ACTR1B: variants seen among roughly 807,000 people sequenced by gnomAD.
ACTR1B encodes the protein beta-centractin.
ACTR1B carries 34 observed loss-of-function variants against 49.4 expected under a neutral mutation model. The ratio of observed to expected loss-of-function variants is 0.69; its 90% confidence interval spans 0.52 to 0.92. The LOEUF is 0.92. Ranked by LOEUF, ACTR1B falls within the 40% of genes least tolerant of loss-of-function variation. The pLI is 0.00. For synonymous variants in ACTR1B, 207 were observed against 207.8 expected (o/e 1.00, Z 0.03); for missense variants, 471 against 522.4 (o/e 0.90, Z 0.96).
chr2:97,657,604 G>A, intron 8 of ACTR1B, 95 bp from the exon 9 acceptor site: 1 of 1,254,812 alleles, frequency 8.0e-7, no homozygotes, highest in South Asian at 1.2e-5. Context: ...GCTACTGCTG[G>A]TCCTCTATCA....
chr2:97,657,973 C>T lies in ACTR1B; in HGVS notation c.895G>A (p.Val299Met), dbSNP rs775404286. The T allele has an allele frequency of 1.2e-5, 19 of 1,614,042 alleles. No individual in the cohort carries two copies. Among genetic ancestry groups the T allele is most frequent in the Non-Finnish European group, 1.6e-5 (19 of 1,180,044 alleles). Residue 299 changes from valine to methionine, a missense_variant, in exon 8 of 11, where the codon GTG becomes ATG. Transcript: ENST00000289228. ...AAAAGCGTTGAGCCACCTGAGAGCA[C>T]GATGTTGGCGAACAGCGTCCGGCGC... ...DLRRTLFANI[V>M]LSGGSTLFKG...
At chr2:97,657,117 C>A (rs372084058) in intron 10 of ACTR1B, 35 bp downstream of exon 10, 2 of 1,606,500 alleles carry the variant, frequency 1.2e-6, no homozygotes, top group Non-Finnish European at 1.7e-6. Context: ...GTAAAGTGGT[C>A]TCCTCCCAGA....
In ACTR1B at chr2:97,658,986, C is replaced by A. The variant is rs142996046; in HGVS notation, c.333G>T (p.Thr111=). 5 of 1,614,090 alleles carry A rather than the reference C, an allele frequency of 3.1e-6. No homozygotes were observed. In the East Asian group the frequency reaches 8.9e-5, roughly 29 times the overall value. ...TCTTACTCGGGTTGAGCGGGGCCTC[C>A]GTGAGGAGCACAGGATGCTGCGAGG... The part of the protein sequence containing the change: ...TFSEEHPVLL[T]EAPLNPSKNR... The change falls in exon 5 of 11, where the codon ACG becomes ACT. Residue 111 remains threonine (T), a synonymous_variant. Transcript: ENST00000289228. The surrounding 1 kb of genome is among the most constrained non-coding windows in gnomAD (Gnocchi z 5.9).
rs548229760 is a variant in ACTR1B at position 97,655,950 on chromosome 2, A to T, written c.*908T>A. 5 of 152,370 alleles carry T rather than the reference A, an allele frequency of 3.3e-5. No individual in the cohort carries two copies. The highest frequency in any genetic ancestry group is 1.2e-4 in the African/African-American group (5 of 41,576). 9.4% of individuals were successfully genotyped at this position (152,370 alleles called of 1,614,324 possible). The stretch of plus-strand genomic sequence containing the variant: ...CGATAGCACAGAGAGCCACAAGAAA[A>T]CAGAGCCACACACTGGGCCTTGTCC... On this transcript the variant is annotated 3_prime_UTR_variant, in exon 11 of 11. Transcript: ENST00000289228.
At chr2:97,657,659 C>T (rs1674879554) in intron 8 of ACTR1B, 150 bp from the exon 9 acceptor site, 2 of 922,608 alleles carry the variant, frequency 2.2e-6, no homozygotes, top group South Asian at 1.5e-5. Flanking sequence ...AATGATCCAG[C>T]CCCATGGCTG....
chr2:97,656,754 T>C lies in ACTR1B; in HGVS notation c.*104A>G. 2.1e-6 allele frequency: 2 copies of C among 936,222 alleles called. No homozygotes were observed. The highest frequency in any genetic ancestry group is 3.3e-6 in the Non-Finnish European group (2 of 599,528). The allele number at this position is 936,222 out of a possible 1,614,324, so 58.0% of individuals were successfully genotyped here. On this transcript the variant is annotated 3_prime_UTR_variant, in exon 11 of 11. Coordinates refer to ENST00000289228, the MANE Select transcript of ACTR1B (RefSeq NM_005735.4). ...GCCACCCACCCAGGGGTTCAGGGCA[T>C]GCAGGGGACCCTAAGCCTAGTATAC...
At chr2:97,663,721 C>A (rs1675098215) in intron 1 of ACTR1B, 122 bp downstream of exon 1, 3 of 438,824 alleles carry the variant, frequency 6.8e-6, no homozygotes, top group Non-Finnish European at 9.9e-6. Context: ...AGCGGCCCGG[C>A]GGGGGCGACG....
rs1160986059 is a variant in ACTR1B, at chr2:97,660,694, G to C, written c.114-48C>G. 6 of 1,580,998 alleles carry C rather than the reference G, an allele frequency of 3.8e-6. No homozygotes were observed. The South Asian group carries it at 6.6e-5, about 17-fold the overall frequency. ...CAAGGTGGGCAGGGAGCATGGCAGAGCTTGTGTCCAGAAAAACCGAAATCC... is the reference window on the plus strand; with the variant it reads ...CAAGGTGGGCAGGGAGCATGGCAGACCTTGTGTCCAGAAAAACCGAAATCC... On this transcript the variant is annotated intron_variant, in intron 2 of 10. Coordinates refer to ENST00000289228, the MANE Select transcript of ACTR1B (RefSeq NM_005735.4).
In ACTR1B at chr2:97,659,608, T is replaced by C. The variant is rs1573182940; in HGVS notation, c.190-131A>G. On this transcript the variant is annotated intron_variant, in intron 3 of 10. Coordinates refer to ENST00000289228, the MANE Select transcript of ACTR1B (RefSeq NM_005735.4). This position sits in a 1 kb window ranked among gnomAD's most constrained non-coding sequence, Gnocchi z 4.0. ...CCTGACCAGAACCACCCCTGCTCACTGGGTGTCCCAGGGTCTGTGGCGGGT... is the reference window on the plus strand; with the variant it reads ...CCTGACCAGAACCACCCCTGCTCACCGGGTGTCCCAGGGTCTGTGGCGGGT... 30 of 1,319,284 alleles carry C rather than the reference T, an allele frequency of 2.3e-5. No individual in the cohort carries two copies. The South Asian group carries it at 3.6e-4, about 16-fold the overall frequency. The allele number at this position is 1,319,284 out of a possible 1,614,324, so 81.7% of individuals were successfully genotyped here.
rs1030294571 is a variant in ACTR1B at position 97,659,292 on chromosome 2, G to A, written c.315+60C>T. 9.3e-6 allele frequency: 15 copies of A among 1,608,390 alleles called. No individual in the cohort carries two copies. Among genetic ancestry groups the A allele is most frequent in the South Asian group, 5.5e-5 (5 of 90,892 alleles). ...ATGTGGGAGCCCGGCGAGGAGGGAC[G>A]CAGAGGAGAGGGGCATGGCCAGGAG... is the stretch of plus-strand genomic sequence containing the variant. On this transcript the variant is annotated intron_variant, in intron 4 of 10. Coordinates refer to ENST00000289228, the MANE Select transcript of ACTR1B (RefSeq NM_005735.4). The surrounding 1 kb of genome is among the most constrained non-coding windows in gnomAD (Gnocchi z 4.0).
At chr2:97,661,981 C>T (rs1185415179) in intron 1 of ACTR1B, 35 bp from the exon 2 acceptor site, 6 of 1,563,504 alleles carry the variant, frequency 3.8e-6, no homozygotes, top group South Asian at 1.2e-5. Flanking sequence ...TGCCCACATG[C>T]ACCACCAGAT....
At position 97,663,825 on chromosome 2, in the gene ACTR1B, CT is replaced by C; in HGVS notation, c.48+17del. The C allele has an allele frequency of 7.2e-7, 1 of 1,390,618 alleles. No homozygotes were observed. Among genetic ancestry groups the C allele is most frequent in the Non-Finnish European group, 9.5e-7 (1 of 1,055,830 alleles). The allele number at this position is 1,390,618 out of a possible 1,614,324, so 86.1% of individuals were successfully genotyped here. ...CGGGGGCGGGGCGCCCGCCCTCCCC[CT>C]GGCTGCCGGGCCTCACGTTGTCGAT... On this transcript the variant is annotated intron_variant, in intron 1 of 10. Coordinates refer to ENST00000289228, the MANE Select transcript of ACTR1B (RefSeq NM_005735.4).
chr2:97,662,404 CTTT>C (rs545069324), intron 1 of ACTR1B, among the ~76,000 whole-genome samples: 10 of 141,366 alleles, frequency 7.1e-5, no homozygotes, highest in Admixed American at 2.8e-4. Flanking sequence ...CTGTGTGGGT[CTTT>C]TTTTTTTTTT....
rs142909334 is a variant in ACTR1B at position 97,661,941 on chromosome 2, C to T, written c.54G>A (p.Ser18=). 2.8e-5 allele frequency: 45 copies of T among 1,590,536 alleles called. No individual in the cohort carries two copies. Among genetic ancestry groups the T allele is most frequent in the East Asian group, 1.3e-4 (6 of 44,496 alleles). ...ANQPVVIDNG[S]GVIKAGFAGD... Reference sequence around the variant, plus strand: ...CTGCAAAGCCAGCTTTAATCACCCCCGAACCCTGCAAGGAAAAACAAAGTT... The same window carrying T: ...CTGCAAAGCCAGCTTTAATCACCCCTGAACCCTGCAAGGAAAAACAAAGTT... Residue 18 remains serine, a synonymous_variant, in exon 2 of 11, where the codon TCG becomes TCA. Transcript: ENST00000289228.
chr2:97,662,052 G>T, intron 1 of ACTR1B, 106 bp from the exon 2 acceptor site: 1 of 1,129,808 alleles, frequency 8.9e-7, no homozygotes, highest in Non-Finnish European at 1.3e-6. Context: ...CAAGGAGGAA[G>T]CCAGGGACCC....
chr2:97,663,855 C>CACAG lies in ACTR1B; in HGVS notation c.32_35dup (p.Val13CysfsTer11). 1 of 1,435,588 alleles carries CACAG rather than the reference C, an allele frequency of 7.0e-7. No homozygotes were observed. The highest frequency in any genetic ancestry group is 9.2e-7 in the Non-Finnish European group (1 of 1,082,118). The allele number at this position is 1,435,588 out of a possible 1,614,324, so 88.9% of individuals were successfully genotyped here. ...TGCCGGGCCTCACGTTGTCGATGAC[C>CACAG]ACAGGCTGGTTGGCGATGATGTCGT... On this transcript the variant is annotated frameshift_variant, in exon 1 of 11. Coordinates refer to ENST00000289228, the MANE Select transcript of ACTR1B (RefSeq NM_005735.4). LOFTEE classifies it high-confidence loss of function.
intron 1 of ACTR1B, 129 bp downstream of exon 1, chr2:97,663,714 G>T: frequency 2.7e-6 from 1 of 372,158 alleles, no homozygotes; most frequent in South Asian, 1.1e-4. Flanking sequence ...CGAAGCCAGC[G>T]GCCCGGCGGG....
rs146862504 is a variant in ACTR1B, at chr2:97,658,939, A to G, written c.380T>C (p.Val127Ala). 2,072 of 1,613,898 alleles carry G rather than the reference A, an allele frequency of 1.3e-3. 9 individuals are homozygous for G. The highest frequency in any genetic ancestry group is 1.3e-3 in the Non-Finnish European group (1,561 of 1,179,952). Residue 127 changes from valine (V) to alanine (A), a missense_variant, in exon 5 of 11, where the codon GTG (valine) becomes GCG (alanine). Physicochemically the swap from Val to Ala is moderately conservative, Grantham distance 64. Transcript: ENST00000289228. The surrounding 1 kb of genome is among the most constrained non-coding windows in gnomAD (Gnocchi z 5.9). ...PSKNREKAAE[V>A]FFETFNVPAL... ...CGGCACGTTGAAGGTCTCAAAGAACACCTCTGCCGCCTTCTCCCGGTTCTT... is the reference window on the plus strand; with the variant it reads ...CGGCACGTTGAAGGTCTCAAAGAACGCCTCTGCCGCCTTCTCCCGGTTCTT...
intron 1 of ACTR1B, among the ~76,000 whole-genome samples, chr2:97,663,004 A>G (rs1014910374): frequency 6.6e-6 from 1 of 152,158 alleles, no homozygotes; most frequent in Non-Finnish European, 1.5e-5. Context: ...GAAAGAGCAC[A>G]AGTGAGTCAT....
Sources: gnomAD v4.1 joint callset for allele counts (sites outside exome capture counted in the v4.1 genomes callset) on GRCh38, gnomAD v4.1.1 for gene constraint, Gnocchi (gnomAD v3.1) non-coding constraint, MANE v1.5 for transcripts, NCBI Gene and HGNC (gene_info 2026-07-23, HGNC 2026-07-21) for gene names.